The following DCTN2 variants were observed in gnomAD, a reference collection of about 807,000 sequenced individuals.
DCTN2 encodes the protein 50 kDa dynein-associated polypeptide.
In DCTN2, 18 loss-of-function variants were observed where a neutral mutation model predicts 55.4. The observed-to-expected ratio is 0.32, with a 90% CI of 0.22 to 0.48. DCTN2 has a LOEUF of 0.48. Ranked by LOEUF, DCTN2 falls within the 20% of genes least tolerant of loss-of-function variation. The probability of loss-of-function intolerance (pLI) is 0.99; values close to 1 mark genes in which losing one functional copy is unlikely to be tolerated. For synonymous variants in DCTN2, 168 were observed against 185.2 expected, an observed-to-expected ratio of 0.91 and a Z score of 0.76; for missense variants, 390 against 491.0, an observed-to-expected ratio of 0.79 and a Z score of 1.94.
chr12:57,533,151 C>T (rs1446683062), intron 8 of DCTN2, 87 bp downstream of exon 8: 12 of 1,573,162 alleles, frequency 7.6e-6, no homozygotes, highest in Non-Finnish European at 9.6e-6. Context: ...TTGATGACTC[C>T]TCCCAGGCTT....
intron 8 of DCTN2, 101 bp from the exon 9 acceptor site, chr12:57,533,123 C>T: frequency 1.9e-6 from 3 of 1,557,746 alleles, no homozygotes; most frequent in Non-Finnish European, 2.6e-6. Context: ...ACTAGCTGAT[C>T]CCTGTAACTG....
At chr12:57,538,203 G>C (rs1392212343) in intron 2 of DCTN2, 2 of 458,220 alleles carry the variant, frequency 4.4e-6, no homozygotes, top group African/African-American at 4.0e-5. Context: ...CAGGGACAGA[G>C]AGCATTTTCA....
At position 57,546,099 on chromosome 12, in the gene DCTN2, G is replaced by A; in HGVS notation, c.37-3C>T. The A allele has an allele frequency of 6.2e-7, 1 of 1,613,870 alleles. No individual in the cohort carries two copies. Among genetic ancestry groups the A allele is most frequent in the Non-Finnish European group, 8.5e-7 (1 of 1,179,810 alleles). ...TAAACATCTGGCTCATTCCTGGCCT[G>A]CAGGTAGAAGCAGTGACCACCCAAC... On this transcript the variant is annotated splice_polypyrimidine_tract_variant and splice_region_variant and intron_variant, in intron 1 of 13. Coordinates refer to ENST00000548249, the MANE Select transcript of DCTN2 (RefSeq NM_001261413.2).
At position 57,535,051 on chromosome 12, in the gene DCTN2, G is replaced by A. The variant is rs745346969; in HGVS notation, c.363+5C>T. The stretch of plus-strand genomic sequence containing the variant: ...CAGAGAAGGGAGAAGAGAGTTTGTA[G>A]TTACCTTGATTTTTTCAACTTCAGT... On this transcript the variant is annotated splice_donor_5th_base_variant and intron_variant, in intron 5 of 13. Coordinates refer to ENST00000548249, the MANE Select transcript of DCTN2 (RefSeq NM_001261413.2). 19 of 1,610,472 alleles carry A rather than the reference G, an allele frequency of 1.2e-5. No individual in the cohort carries two copies. The Admixed American group carries it at 3.2e-4, about 27-fold the overall frequency.
chr12:57,538,717 T>C (rs984543563), intron 2 of DCTN2, among the ~76,000 whole-genome samples: 2 of 152,132 alleles, frequency 1.3e-5, no homozygotes, highest in African/African-American at 4.8e-5. Flanking sequence ...CCAAGAAATT[T>C]CAGCTGGGGT....
At chr12:57,536,752 T>C (rs2140125902) in intron 2 of DCTN2, among the ~76,000 whole-genome samples, 1 of 152,156 alleles carries the variant, frequency 6.6e-6, no homozygotes, top group South Asian at 2.1e-4. Context: ...CTGTTCAGAT[T>C]CCAGTGACAA....
In DCTN2 at chr12:57,530,740, A is replaced by T. The variant is rs777740785; in HGVS notation, c.1155T>A (p.Val385=). The change falls in exon 14 of 14, where the codon GTT becomes GTA. Residue 385 remains valine (V), a synonymous_variant. Transcript: ENST00000548249. The part of the protein sequence containing the change: ...QTTMRENLAT[V]EGNFASIDER... ...CATCAATGCTGGCAAAGTTCCCCTC[A>T]ACTGTGGCCAGGTTTTCACGCATGG... 14 of 1,613,960 alleles carry T rather than the reference A, an allele frequency of 8.7e-6. No homozygotes were observed. The highest frequency in any genetic ancestry group is 1.1e-5 in the Non-Finnish European group (13 of 1,179,844).
In DCTN2 at chr12:57,532,771, C is replaced by T; in HGVS notation, c.814G>A (p.Asp272Asn). 5 of 1,613,960 alleles carry T rather than the reference C, an allele frequency of 3.1e-6. No homozygotes were observed. The highest frequency in any genetic ancestry group is 4.2e-6 in the Non-Finnish European group (5 of 1,179,888). Residue 272 changes from aspartate (D) to asparagine (N), a missense_variant, in exon 10 of 14, where the codon GAC (aspartate) becomes AAC (asparagine). Asp to Asn is a conservative substitution (Grantham distance 23). Coordinates refer to ENST00000548249, the MANE Select transcript of DCTN2 (RefSeq NM_001261413.2). ...ELLQAKVSALDLAVLDQVEAR... is the reference protein window; with the variant it reads ...ELLQAKVSALNLAVLDQVEAR... ...TCCACTTGATCCAAAACTGCAAGGT[C>T]TAGGGCGCTCACCTTTGCTTGCAAC...
chr12:57,547,171 G>A lies in DCTN2; in HGVS notation c.-108C>T. ...TCCCGGGCTAAGGCGGCGGCAAAGG[G>A]AGCGGCAGATGAGCAGGAAGTCTCG... On this transcript the variant is annotated 5_prime_UTR_variant, in exon 1 of 14. Transcript: ENST00000548249. The A allele has an allele frequency of 2.1e-6, 2 of 939,380 alleles. No individual in the cohort carries two copies. Among genetic ancestry groups the A allele is most frequent in the Non-Finnish European group, 2.8e-6 (2 of 711,762 alleles). The allele number at this position is 939,380 out of a possible 1,614,324, so 58.2% of individuals were successfully genotyped here. A position where few individuals can be genotyped will look rare whatever the true frequency, so the allele number is the denominator to read the frequency against.
chr12:57,544,460 G>C (rs1880978032), intron 2 of DCTN2, among the ~76,000 whole-genome samples: 1 of 150,326 alleles, frequency 6.7e-6, no homozygotes, highest in Non-Finnish European at 1.5e-5. Flanking sequence ...TGTCACCCAG[G>C]CTGGGGTGCA....
At chr12:57,543,944 T>A in intron 2 of DCTN2, 2 of 592,016 alleles carry the variant, frequency 3.4e-6, no homozygotes, top group Non-Finnish European at 5.7e-6. Flanking sequence ...ACAGTCAGGT[T>A]CTTCCACACC....
Position 57,534,288 on chromosome 12 carries a change from C to G in DCTN2, c.524+4G>C. On this transcript the variant is annotated splice_donor_region_variant and intron_variant, in intron 6 of 13. Transcript: ENST00000548249. ...ATGATTTTTCAACAAAGTAGGGTAC[C>G]CACTTAGCCAGGGCGCCATCGGGGT... 2 of 1,579,798 alleles carry G rather than the reference C, an allele frequency of 1.3e-6. No homozygotes were observed.
Position 57,530,501 on chromosome 12 carries a change from C to G in DCTN2, c.*188G>C. ...GGGGAGACCACCTTCTGATGATAACCAACCCCTAGCTACCACTCTGTATTC... is the reference window on the plus strand; with the variant it reads ...GGGGAGACCACCTTCTGATGATAACGAACCCCTAGCTACCACTCTGTATTC... On this transcript the variant is annotated 3_prime_UTR_variant, in exon 14 of 14. Transcript: ENST00000548249. The G allele has an allele frequency of 1.9e-6, 1 of 515,420 alleles. No individual in the cohort carries two copies. Among genetic ancestry groups the G allele is most frequent in the Non-Finnish European group, 3.4e-6 (1 of 292,014 alleles). The allele number at this position is 515,420 out of a possible 1,614,324, so 31.9% of individuals were successfully genotyped here.
intron 5 of DCTN2, among the ~76,000 whole-genome samples, chr12:57,534,682 T>A (rs1880073910): frequency 6.6e-6 from 1 of 152,060 alleles, no homozygotes; most frequent in South Asian, 2.1e-4. Context: ...TTCTTTCATT[T>A]TTTGAGATGG....
chr12:57,540,395 T>C (rs1484632093), intron 2 of DCTN2, among the ~76,000 whole-genome samples: 2 of 152,060 alleles, frequency 1.3e-5, no homozygotes, highest in East Asian at 1.9e-4. Context: ...TATGGGTGGG[T>C]TGAAGGTTGA....
At chr12:57,535,235 T>C in intron 4 of DCTN2, 81 bp from the exon 5 acceptor site, 1 of 1,189,510 alleles carries the variant, frequency 8.4e-7, no homozygotes, top group Non-Finnish European at 1.2e-6. Flanking sequence ...TGGGCCTAAG[T>C]CATAAAGGTA....
At chr12:57,543,701 A>C in intron 2 of DCTN2, 184 of 955,102 alleles carry the variant, frequency 1.9e-4, no homozygotes, top group South Asian at 2.4e-4. Flanking sequence ...AGGTCTGCCC[A>C]CCCCATTCCT....
chr12:57,543,139 G>A (rs557454510), intron 2 of DCTN2: 7 of 417,202 alleles, frequency 1.7e-5, no homozygotes, highest in African/African-American at 6.1e-5. Context: ...CACGAGGTCA[G>A]GAGATCGAGA....
Position 57,533,039 on chromosome 12 carries a change from G to A in DCTN2, c.736-17C>T. On this transcript the variant is annotated splice_polypyrimidine_tract_variant and intron_variant, in intron 8 of 13. Coordinates refer to ENST00000548249, the MANE Select transcript of DCTN2 (RefSeq NM_001261413.2). ...AAGGGGATTCTGGTGGGAAAGGAAG[G>A]GAAGAAGTGAGTGGTCCTTATATCT... is the stretch of plus-strand genomic sequence containing the variant. The A allele has an allele frequency of 1.3e-6, 2 of 1,592,502 alleles. No individual in the cohort carries two copies. Among genetic ancestry groups the A allele is most frequent in the Non-Finnish European group, 1.7e-6 (2 of 1,170,926 alleles).
Sources: gnomAD v4.1 joint callset for allele counts (sites outside exome capture counted in the v4.1 genomes callset) on GRCh38, gnomAD v4.1.1 for gene constraint, MANE v1.5 for transcripts, NCBI Gene and HGNC (gene_info 2026-07-23, HGNC 2026-07-21) for gene names.